ATF7: variants seen among roughly 807,000 people sequenced by gnomAD.
ATF7 encodes activating transcription factor 7.
A neutral mutation model predicts 50.4 loss-of-function variants in ATF7; 10 were observed. The observed-to-expected ratio is 0.20, with a 90% CI of 0.12 to 0.34. The LOEUF (loss-of-function observed/expected upper bound fraction) is 0.34, where lower values mean the gene tolerates loss of function less well. ATF7 is among the 10% of genes least tolerant of loss of function. ATF7 has a pLI of 1.00. For synonymous variants in ATF7, 201 were observed against 226.4 expected, an observed-to-expected ratio of 0.89 and a Z score of 1.01; for missense variants, 465 against 613.9, an observed-to-expected ratio of 0.76 and a Z score of 2.56.
At chr12:53,591,037 T>C (rs1197115212) in intron 2 of ATF7, among the ~76,000 whole-genome samples, 1 of 152,188 alleles carries the variant, frequency 6.6e-6, no homozygotes, top group Non-Finnish European at 1.5e-5. Flanking sequence ...AATAATAATG[T>C]ATTAATATTT....
At chr12:53,592,822 A>C (rs1943001842) in intron 2 of ATF7, among the ~76,000 whole-genome samples, 1 of 152,254 alleles carries the variant, frequency 6.6e-6, no homozygotes, top group Admixed American at 6.5e-5. Flanking sequence ...AGAAAATCAG[A>C]ATAACATTTT....
chr12:53,520,745 A>G (rs547416673), intron 11 of ATF7, among the ~76,000 whole-genome samples: 2 of 152,216 alleles, frequency 1.3e-5, no homozygotes, highest in East Asian at 3.9e-4. Context: ...CCCTATCTCA[A>G]TTAATGACAA....
intron 3 of ATF7, among the ~76,000 whole-genome samples, chr12:53,550,914 G>C (rs1418472024): frequency 6.6e-6 from 1 of 152,046 alleles, no homozygotes; most frequent in East Asian, 1.9e-4. Flanking sequence ...CTGGAGACTT[G>C]GTATAGACCC....
At position 53,512,171 on chromosome 12, in the gene ATF7, G is replaced by A. The variant is rs1042195925; in HGVS notation, c.*4966C>T. ...GGGGGATAACTGCTAAGTGGCAAGG[G>A]GGAAAGGAAGACAGTATGGTTAGGG... On this transcript the variant is annotated 3_prime_UTR_variant, in exon 12 of 12. Transcript: ENST00000420353. 2.0e-5 allele frequency: 3 copies of A among 152,266 alleles called. No homozygotes were observed. Among genetic ancestry groups the A allele is most frequent in the Non-Finnish European group, 4.4e-5 (3 of 68,090 alleles). The allele number at this position is 152,266 out of a possible 1,614,324, so 9.4% of individuals were successfully genotyped here.
At chr12:53,565,344 G>A (rs560208647) in intron 2 of ATF7, among the ~76,000 whole-genome samples, 2 of 151,928 alleles carry the variant, frequency 1.3e-5, no homozygotes, top group South Asian at 4.2e-4. Flanking sequence ...ATGGGATTGA[G>A]AAATACAACC....
rs1285681907 is a variant in ATF7, at chr12:53,626,347, T to C, written c.-90A>G. The C allele has an allele frequency of 3.9e-5, 6 of 152,584 alleles. No homozygotes were observed. Among genetic ancestry groups the C allele is most frequent in the African/African-American group, 1.4e-4 (6 of 41,386 alleles). 9.5% of individuals were successfully genotyped at this position (152,584 alleles called of 1,614,324 possible). Reference sequence around the variant, plus strand: ...TACAATCTGTCTCCAGCTCCTCCTTTCCCCCCTTGGCGGAACGGATACTTT... The same window carrying C: ...TACAATCTGTCTCCAGCTCCTCCTTCCCCCCCTTGGCGGAACGGATACTTT... On this transcript the variant is annotated 5_prime_UTR_variant, in exon 1 of 12. Coordinates refer to ENST00000420353, the MANE Select transcript of ATF7 (RefSeq NM_006856.3).
intron 1 of ATF7, among the ~76,000 whole-genome samples, chr12:53,622,845 C>A (rs1479918635): frequency 6.6e-6 from 1 of 151,948 alleles, no homozygotes; most frequent in Non-Finnish European, 1.5e-5. Flanking sequence ...TGTTGGCATG[C>A]GCCTGTGGTC....
intron 2 of ATF7, among the ~76,000 whole-genome samples, chr12:53,562,648 A>T (rs200795930): frequency 1.8e-4 from 26 of 144,896 alleles, no homozygotes; most frequent in Middle Eastern, 3.5e-3. Flanking sequence ...AAAAAAAAAA[A>T]TTTTTTTTTG....
At chr12:53,596,594 T>C (rs1943168899) in intron 2 of ATF7, among the ~76,000 whole-genome samples, 1 of 152,140 alleles carries the variant, frequency 6.6e-6, no homozygotes, top group Non-Finnish European at 1.5e-5. Flanking sequence ...TTGATCCCAG[T>C]AATAAAAAAC....
At chr12:53,549,577 AT>A (rs963522276) in intron 3 of ATF7, among the ~76,000 whole-genome samples, 1 of 151,226 alleles carries the variant, frequency 6.6e-6, no homozygotes, top group Non-Finnish European at 1.5e-5. Flanking sequence ...CTAATTTTGT[AT>A]TTTTTTTGTT....
chr12:53,617,522 G>A (rs888465660), intron 1 of ATF7, among the ~76,000 whole-genome samples: 2 of 152,092 alleles, frequency 1.3e-5, no homozygotes, highest in African/African-American at 4.8e-5. Context: ...CCAGCTACTC[G>A]GGAGGCTGAG....
chr12:53,568,295 T>C (rs1454278386), intron 2 of ATF7, among the ~76,000 whole-genome samples: 1 of 152,112 alleles, frequency 6.6e-6, no homozygotes, highest in Non-Finnish European at 1.5e-5. Context: ...AATATATAAC[T>C]GGAAGGTGAG....
intron 3 of ATF7, among the ~76,000 whole-genome samples, chr12:53,547,759 G>C (rs78869978): frequency 6.8e-5 from 5 of 73,248 alleles, no homozygotes; most frequent in Admixed American, 2.6e-4. Context: ...ATGTATGTAT[G>C]TATGTATGTA....
chr12:53,568,503 C>T lies in ATF7; in HGVS notation c.49-15866G>A, dbSNP rs111985304. Among the ~76,000 whole-genome samples the T allele has an allele frequency of 4.6e-3, 702 of 152,094 alleles. 5 individuals carry two copies. Among genetic ancestry groups the T allele is most frequent in the African/African-American group, 0.016 (679 of 41,468 alleles). On this transcript the variant is annotated intron_variant, in intron 2 of 11. Coordinates refer to ENST00000420353, the MANE Select transcript of ATF7 (RefSeq NM_006856.3). ...AAACAAGCTATCAAAGCTTACAGGC[C>T]CAGGGACTCGGAAACCACAGAAGAG...
In ATF7 at chr12:53,534,670, G is replaced by A. The variant is rs765974130; in HGVS notation, c.403-11C>T. The A allele has an allele frequency of 6.2e-7, 1 of 1,608,054 alleles. No homozygotes were observed. The highest frequency in any genetic ancestry group is 8.5e-7 in the Non-Finnish European group (1 of 1,178,338). On this transcript the variant is annotated splice_polypyrimidine_tract_variant and intron_variant, in intron 5 of 11. Coordinates refer to ENST00000420353, the MANE Select transcript of ATF7 (RefSeq NM_006856.3). ...CTTTGGGGTAACCTCCTGGAGAAAA[G>A]AAACCAACAGATCACAAAATGTTTT... is the stretch of plus-strand genomic sequence containing the variant.
Position 53,512,414 on chromosome 12 carries a change from G to A in ATF7, c.*4723C>T, listed in dbSNP as rs943124591. On this transcript the variant is annotated 3_prime_UTR_variant, in exon 12 of 12. Coordinates refer to ENST00000420353, the MANE Select transcript of ATF7 (RefSeq NM_006856.3). ...TTGAGTTCCTTGATAAGATGGAGAG[G>A]TGTTGCTACATGTCAAAAATATATA... 2 of 152,218 alleles carry A rather than the reference G, an allele frequency of 1.3e-5. No homozygotes were observed. Among genetic ancestry groups the A allele is most frequent in the Non-Finnish European group, 2.9e-5 (2 of 68,056 alleles). 9.4% of individuals were successfully genotyped at this position (152,218 alleles called of 1,614,324 possible). A position where few individuals can be genotyped will look rare whatever the true frequency, so the allele number is the denominator to read the frequency against.
chr12:53,604,133 A>T (rs1193993700), intron 1 of ATF7, among the ~76,000 whole-genome samples: 1 of 152,226 alleles, frequency 6.6e-6, no homozygotes, highest in Non-Finnish European at 1.5e-5. Context: ...TACACACATT[A>T]AGAAGCACTG....
intron 1 of ATF7, among the ~76,000 whole-genome samples, chr12:53,613,905 A>C (rs1944002008): frequency 6.6e-6 from 1 of 151,626 alleles, no homozygotes. Flanking sequence ...GAAATACACA[A>C]GCAGTAGAGG....
chr12:53,577,711 G>C (rs1253340599), intron 2 of ATF7, among the ~76,000 whole-genome samples: 1 of 136,096 alleles, frequency 7.3e-6, no homozygotes, highest in African/African-American at 2.9e-5. Flanking sequence ...GCGAGACTCC[G>C]TCTCTGAAAA....
Sources: gnomAD v4.1 joint callset for allele counts (sites outside exome capture counted in the v4.1 genomes callset) on GRCh38, gnomAD v4.1.1 for gene constraint, MANE v1.5 for transcripts, NCBI Gene and HGNC (gene_info 2026-07-23, HGNC 2026-07-21) for gene names.